RFC3: variants seen among roughly 807,000 people sequenced by gnomAD.
RFC3 encodes A1 38 kDa subunit.
A neutral mutation model predicts 45.1 loss-of-function variants in RFC3; 41 were observed. The observed-to-expected ratio is 0.91, with a 90% confidence interval of 0.71 to 1.18. The LOEUF (loss-of-function observed/expected upper bound fraction) is 1.18. RFC3 is among the 50% of genes most tolerant of loss of function. The pLI is 0.00. For synonymous variants in RFC3, 149 were observed against 144.0 expected, an observed-to-expected ratio of 1.03 and a Z score of -0.25; for missense variants, 423 against 428.1, an observed-to-expected ratio of 0.99 and a Z score of 0.10.
chr13:33,822,249 A>T (rs1222092632), intron 2 of RFC3, among the ~76,000 whole-genome samples: 1 of 152,216 alleles, frequency 6.6e-6, no homozygotes, highest in Admixed American at 6.5e-5. Flanking sequence ...TTATAGAGGG[A>T]CAATAAACAG....
chr13:33,971,272 T>C (rs1236756734), downstream of RFC3, among the ~76,000 whole-genome samples: 2 of 152,214 alleles, frequency 1.3e-5, no homozygotes, highest in Non-Finnish European at 1.5e-5. Context: ...AATTTTGACC[T>C]TTGAGTTTTT....
chr13:33,976,571 A>T, the RFC3 span, among the ~76,000 whole-genome samples: 1 of 152,188 alleles, frequency 6.6e-6, no homozygotes, highest in Non-Finnish European at 1.5e-5. Context: ...AAGATTCATA[A>T]TGTTCTCATC....
At chr13:33,904,831 G>A (rs952856269) in intron 8 of RFC3, among the ~76,000 whole-genome samples, 1 of 152,038 alleles carries the variant, frequency 6.6e-6, no homozygotes, top group Non-Finnish European at 1.5e-5. Context: ...ATTCCCCATG[G>A]CCAAATAAGC....
chr13:33,976,934 T>C, the RFC3 span, among the ~76,000 whole-genome samples: 1 of 152,102 alleles, frequency 6.6e-6, no homozygotes, highest in Admixed American at 6.6e-5. Context: ...CTCGCCCAGG[T>C]AGTCAAGGTT....
At chr13:33,976,442 G>A in the RFC3 span, among the ~76,000 whole-genome samples, 1 of 152,064 alleles carries the variant, frequency 6.6e-6, no homozygotes, top group Admixed American at 6.6e-5. Flanking sequence ...GAGATGAGGA[G>A]AAGTTGGTTA....
intron 7 of RFC3, among the ~76,000 whole-genome samples, chr13:33,832,487 A>G (rs553160277): frequency 1.3e-5 from 2 of 152,258 alleles, no homozygotes; most frequent in South Asian, 4.1e-4. Context: ...TACCATATAG[A>G]TTGGTGGAGG....
chr13:33,819,505 G>A (rs966135946), intron 1 of RFC3, among the ~76,000 whole-genome samples: 1 of 152,044 alleles, frequency 6.6e-6, no homozygotes, highest in Non-Finnish European at 1.5e-5. Context: ...GAAATAATAA[G>A]AAAAGATTGT....
At chr13:33,866,026 T>C (rs2082371232) in intron 8 of RFC3, among the ~76,000 whole-genome samples, 2 of 152,070 alleles carry the variant, frequency 1.3e-5, no homozygotes, top group Admixed American at 6.6e-5. Context: ...GCCATTGCAC[T>C]CCAGCCTGGG....
At chr13:33,923,254 C>T (rs935127126) in intron 8 of RFC3, among the ~76,000 whole-genome samples, 4 of 151,958 alleles carry the variant, frequency 2.6e-5, no homozygotes, top group Non-Finnish European at 5.9e-5. Context: ...AAGAGACAGC[C>T]GATCTTGCTA....
At chr13:33,891,446 A>C (rs567096083) in intron 8 of RFC3, among the ~76,000 whole-genome samples, 2 of 152,332 alleles carry the variant, frequency 1.3e-5, no homozygotes, top group African/African-American at 4.8e-5. Flanking sequence ...ATGGATGCTT[A>C]AGAAAATACT....
intron 8 of RFC3, among the ~76,000 whole-genome samples, chr13:33,962,875 C>T (rs1887834): frequency 0.93 from 141,828 of 152,174 alleles, 66,877 homozygotes; most frequent in East Asian, 1. Context: ...TGAAAATTCA[C>T]TGGGCATCAG....
intron 8 of RFC3, among the ~76,000 whole-genome samples, chr13:33,951,293 C>T (rs542787664): frequency 2.0e-5 from 3 of 148,130 alleles, no homozygotes; most frequent in East Asian, 2.0e-4. Flanking sequence ...AGTGCAGTGG[C>T]GCGATCTCGG....
chr13:33,894,401 A>G (rs1256583879), intron 8 of RFC3, among the ~76,000 whole-genome samples: 1 of 152,178 alleles, frequency 6.6e-6, no homozygotes, highest in African/African-American at 2.4e-5. Context: ...ACCTCACAGG[A>G]GACCTCGTGG....
intron 3 of RFC3, 119 bp downstream of exon 3, chr13:33,824,103 TAAAACA>T: frequency 1.8e-6 from 1 of 545,002 alleles, no homozygotes; most frequent in Non-Finnish European, 3.3e-6. Flanking sequence ...GCACAGTTTA[TAAAACA>T]GACTAAAGTG....
chr13:33,919,061 A>G (rs1230075270), intron 8 of RFC3, among the ~76,000 whole-genome samples: 2 of 151,898 alleles, frequency 1.3e-5, no homozygotes, highest in Admixed American at 6.6e-5. Flanking sequence ...AGAGTAATTG[A>G]TTTGGGTTGA....
intron 1 of RFC3, among the ~76,000 whole-genome samples, chr13:33,820,554 A>T (rs1264416427): frequency 6.6e-6 from 1 of 152,172 alleles, no homozygotes; most frequent in Non-Finnish European, 1.5e-5. Flanking sequence ...ACACACTCTT[A>T]CTGGCTGCCT....
At position 33,827,865 on chromosome 13, in the gene RFC3, G is replaced by A. The variant is rs189515239; in HGVS notation, c.392-1971G>A. 1.0e-3 allele frequency among the ~76,000 whole-genome samples: 159 copies of A among 152,264 alleles called. No individual in the cohort carries two copies. The Middle Eastern group carries it at 0.034, about 33-fold the overall frequency. On this transcript the variant is annotated intron_variant, in intron 4 of 8. Transcript: ENST00000380071. ...CCTGTACTTAGGGAAGGAGAGGAAG[G>A]CCAGAGAGTTTTTTTTAGGTCTGGG...
At chr13:33,929,545 A>G (rs2082838691) in intron 8 of RFC3, among the ~76,000 whole-genome samples, 1 of 152,138 alleles carries the variant, frequency 6.6e-6, no homozygotes, top group South Asian at 2.1e-4. Context: ...TGTGATATTC[A>G]TGTAATGTCC....
chr13:33,930,071 C>T (rs1004419623), intron 8 of RFC3, among the ~76,000 whole-genome samples: 1 of 151,906 alleles, frequency 6.6e-6, no homozygotes, highest in Non-Finnish European at 1.5e-5. Context: ...CTTTATTTTT[C>T]TTTTATTACT....
Sources: gnomAD v4.1 joint callset for allele counts (sites outside exome capture counted in the v4.1 genomes callset) on GRCh38, gnomAD v4.1.1 for gene constraint, MANE v1.5 for transcripts, NCBI Gene and HGNC (gene_info 2026-07-23, HGNC 2026-07-21) for gene names.